GRIN2B: variants seen among roughly 807,000 people sequenced by gnomAD.
GRIN2B encodes the protein glutamate ionotropic receptor NMDA type subunit 2B, also known as glutamate receptor ionotropic, NMDA 2B.
In GRIN2B, 5 loss-of-function variants were observed where a neutral mutation model predicts 114.5. The observed-to-expected ratio is 0.04, with a 90% CI of 0.02 to 0.09. GRIN2B has a LOEUF of 0.09. GRIN2B is among the 10% of genes least tolerant of loss of function. The pLI, the probability that GRIN2B is intolerant of heterozygous loss-of-function variation, is 1.00. For missense variants in GRIN2B, 1,108 were observed against 1,943.5 expected (o/e 0.57, Z 8.08); for synonymous variants, 787 against 745.1 (o/e 1.06, Z -0.92).
At chr12:13,915,094 G>C (rs1565585139) in intron 2 of GRIN2B, among the ~76,000 whole-genome samples, 1 of 152,084 alleles carries the variant, frequency 6.6e-6, no homozygotes, top group South Asian at 2.1e-4. Flanking sequence ...AATATTAGAG[G>C]TGACGGCTAT....
chr12:13,618,241 T>C (rs948204513), intron 5 of GRIN2B, among the ~76,000 whole-genome samples: 2 of 152,178 alleles, frequency 1.3e-5, no homozygotes, highest in African/African-American at 2.4e-5. Context: ...CAGGTAGGAA[T>C]TGGGAGAGGA....
At chr12:13,636,247 A>G (rs1288752451) in intron 5 of GRIN2B, among the ~76,000 whole-genome samples, 1 of 152,190 alleles carries the variant, frequency 6.6e-6, no homozygotes, top group Non-Finnish European at 1.5e-5. Context: ...CAAGTTGGCT[A>G]GTATAGCTGG....
At chr12:13,634,271 A>G (rs1222040002) in intron 5 of GRIN2B, 2 of 152,222 alleles carry the variant, frequency 1.3e-5, no homozygotes, top group African/African-American at 4.8e-5. Flanking sequence ...AGAGAAATAC[A>G]CTTATTGAGA....
chr12:13,611,332 A>T (rs1949363388), intron 9 of GRIN2B, among the ~76,000 whole-genome samples: 1 of 152,200 alleles, frequency 6.6e-6, no homozygotes, highest in African/African-American at 2.4e-5. Context: ...ATCCTGGGGC[A>T]ATCCATTTCT....
chr12:13,606,021 C>A (rs908232646), intron 10 of GRIN2B, among the ~76,000 whole-genome samples: 1 of 152,102 alleles, frequency 6.6e-6, no homozygotes, highest in African/African-American at 2.4e-5. Context: ...GGTGACATGG[C>A]CCTGCTATAC....
intron 5 of GRIN2B, among the ~76,000 whole-genome samples, chr12:13,626,225 C>T (rs1355410747): frequency 6.6e-6 from 1 of 152,230 alleles, no homozygotes; most frequent in Non-Finnish European, 1.5e-5. Context: ...TGAGGAACCA[C>T]TCAAACAGAC....
intron 3 of GRIN2B, among the ~76,000 whole-genome samples, chr12:13,848,909 C>G (rs146480210): frequency 1.3e-5 from 2 of 152,318 alleles, no homozygotes; most frequent in Non-Finnish European, 1.5e-5. Context: ...GGTTTCCCTT[C>G]TGGAAGAACT....
At chr12:13,779,613 A>T (rs976274555) in intron 3 of GRIN2B, among the ~76,000 whole-genome samples, 10 of 152,342 alleles carry the variant, frequency 6.6e-5, no homozygotes, top group Admixed American at 6.5e-4. Context: ...GAGGTAATTC[A>T]TGTGCTTCTG....
chr12:13,760,037 C>T (rs1198271541), intron 3 of GRIN2B, among the ~76,000 whole-genome samples: 1 of 152,242 alleles, frequency 6.6e-6, no homozygotes, highest in Non-Finnish European at 1.5e-5. Flanking sequence ...GCCTTCCCAA[C>T]AAAGTGCTCT....
At chr12:13,968,640 C>T (rs1287907658) in intron 2 of GRIN2B, among the ~76,000 whole-genome samples, 1 of 152,178 alleles carries the variant, frequency 6.6e-6, no homozygotes, top group African/African-American at 2.4e-5. Context: ...TATCCTCTTT[C>T]ATAATAGAAA....
intron 2 of GRIN2B, among the ~76,000 whole-genome samples, chr12:13,875,499 C>T (rs927387780): frequency 2.0e-5 from 3 of 152,036 alleles, no homozygotes; most frequent in African/African-American, 7.2e-5. Context: ...TGCACTCCAG[C>T]CTGGTGACAG....
intron 4 of GRIN2B, among the ~76,000 whole-genome samples, chr12:13,744,908 C>T (rs16909438): frequency 0.012 from 1,765 of 152,234 alleles, 36 homozygotes; most frequent in African/African-American, 0.041. Flanking sequence ...TGGCTTCTCC[C>T]GTGCCCTATC....
At chr12:13,775,004 A>C (rs1863977970) in intron 3 of GRIN2B, among the ~76,000 whole-genome samples, 1 of 152,104 alleles carries the variant, frequency 6.6e-6, no homozygotes, top group African/African-American at 2.4e-5. Context: ...GATGATGATG[A>C]TGCTGGTGCT....
At chr12:13,732,223 T>C (rs1203157007) in intron 4 of GRIN2B, among the ~76,000 whole-genome samples, 3 of 152,102 alleles carry the variant, frequency 2.0e-5, no homozygotes, top group Non-Finnish European at 4.4e-5. Context: ...AGATCACATA[T>C]TTCCATGCCA....
intron 12 of GRIN2B, 130 bp from the exon 13 acceptor site, chr12:13,567,393 A>G: frequency 3.0e-6 from 2 of 677,880 alleles, no homozygotes; most frequent in African/African-American, 1.8e-5. Context: ...AGGAGACAAA[A>G]AGAAAGGAAA....
intron 3 of GRIN2B, among the ~76,000 whole-genome samples, chr12:13,816,029 A>G (rs549939941): frequency 2.0e-5 from 3 of 152,298 alleles, no homozygotes; most frequent in South Asian, 4.1e-4. Context: ...TGCTAGCAAG[A>G]GATATACTTG....
chr12:13,722,128 G>A (rs1862894440), intron 4 of GRIN2B, among the ~76,000 whole-genome samples: 2 of 152,126 alleles, frequency 1.3e-5, no homozygotes, highest in Non-Finnish European at 2.9e-5. Context: ...TGAAAGAAAT[G>A]GGTTAAGGAG....
At chr12:13,756,365 G>A (rs901442463) in intron 3 of GRIN2B, among the ~76,000 whole-genome samples, 1 of 152,186 alleles carries the variant, frequency 6.6e-6, no homozygotes, top group African/African-American at 2.4e-5. Context: ...TGAAAGGACT[G>A]AGACAAGTGG....
intron 10 of GRIN2B, among the ~76,000 whole-genome samples, chr12:13,606,164 C>T (rs935844922): frequency 4.6e-5 from 7 of 152,096 alleles, no homozygotes; most frequent in African/African-American, 9.7e-5. Flanking sequence ...TAGGGTGGTG[C>T]GTTAGTGCAT....
Sources: gnomAD v4.1 joint callset for allele counts (sites outside exome capture counted in the v4.1 genomes callset) on GRCh38, gnomAD v4.1.1 for gene constraint, MANE v1.5 for transcripts, NCBI Gene and HGNC (gene_info 2026-07-23, HGNC 2026-07-21) for gene names.